The following HRH1 variants were observed in gnomAD, a reference collection of about 807,000 sequenced individuals.
HRH1 encodes histamine H1 receptor.
A neutral mutation model predicts 10.3 loss-of-function variants in HRH1; 6 were observed. The ratio of observed to expected loss-of-function variants is 0.58; its 90% confidence interval spans 0.32 to 1.15. The LOEUF is 1.15. Ranked by LOEUF, HRH1 falls within the 50% of genes most tolerant of loss-of-function variation. HRH1 has a pLI of 0.05. For synonymous variants in HRH1, 242 were observed against 236.7 expected (o/e 1.02, Z -0.21); for missense variants, 514 against 615.3 (o/e 0.84, Z 1.74).
intron 1 of HRH1, among the ~76,000 whole-genome samples, chr3:11,146,483 G>T (rs1169416116): frequency 2.0e-5 from 3 of 152,196 alleles, no homozygotes; most frequent in Non-Finnish European, 2.9e-5. Flanking sequence ...TCCCTATGGG[G>T]AAATGCAAGG....
intron 1 of HRH1, among the ~76,000 whole-genome samples, chr3:11,165,363 A>G (rs1937011073): frequency 1.3e-5 from 2 of 152,184 alleles, no homozygotes; most frequent in South Asian, 4.1e-4. Flanking sequence ...TACTGGGCAT[A>G]TATCCTTTTT....
intron 1 of HRH1, among the ~76,000 whole-genome samples, chr3:11,176,444 G>T (rs1937250918): frequency 6.6e-6 from 1 of 152,074 alleles, no homozygotes; most frequent in South Asian, 2.1e-4. Flanking sequence ...CCGCCCCATT[G>T]TGCACTGTTC....
chr3:11,189,777 T>TAAAATA lies in HRH1; in HGVS notation c.-36+35238_-36+35243dup, dbSNP rs1301080717. Among the ~76,000 whole-genome samples, 6 of 149,978 alleles carry TAAAATA rather than the reference T, an allele frequency of 4.0e-5. 1 individual carries two copies. The South Asian group carries it at 8.5e-4, about 21-fold the overall frequency. On this transcript the variant is annotated intron_variant, in intron 1 of 1. Coordinates refer to ENST00000431010, the MANE Select transcript of HRH1 (RefSeq NM_001098212.2). The stretch of plus-strand genomic sequence containing the variant: ...CATCTCTACTAAAAAAATAAATAAA[T>TAAAATA]AAAATAAAAATAAAAATAAATAAAT...
intron 1 of HRH1, among the ~76,000 whole-genome samples, chr3:11,160,976 A>G (rs975633254): frequency 6.6e-6 from 1 of 152,222 alleles, no homozygotes; most frequent in African/African-American, 2.4e-5. Context: ...ATCAATGGGA[A>G]GAGGAGAGTT....
chr3:11,254,496 C>T (rs781402004), intron 1 of HRH1, among the ~76,000 whole-genome samples: 4 of 152,228 alleles, frequency 2.6e-5, no homozygotes, highest in Non-Finnish European at 5.9e-5. Context: ...TCACTGCCCC[C>T]AAGGTTTTTC....
At chr3:11,257,459 C>T (rs769510173) in intron 1 of HRH1, among the ~76,000 whole-genome samples, 1 of 151,286 alleles carries the variant, frequency 6.6e-6, no homozygotes. Context: ...ACTCAGGAGG[C>T]TGAGGCAGGA....
intron 1 of HRH1, among the ~76,000 whole-genome samples, chr3:11,149,421 C>T (rs1232935589): frequency 6.6e-6 from 1 of 152,140 alleles, no homozygotes; most frequent in East Asian, 1.9e-4. Flanking sequence ...AAAAAACTAG[C>T]TTGTGAAGAT....
chr3:11,198,816 G>T (rs1156719011), intron 1 of HRH1, among the ~76,000 whole-genome samples: 1 of 150,928 alleles, frequency 6.6e-6, no homozygotes, highest in Admixed American at 6.6e-5. Flanking sequence ...CAATAGTTAA[G>T]AATGTACACT....
chr3:11,210,567 G>A (rs920707636), intron 1 of HRH1, among the ~76,000 whole-genome samples: 17 of 152,172 alleles, frequency 1.1e-4, no homozygotes, highest in African/African-American at 2.9e-4. Flanking sequence ...CAAGGCAGGC[G>A]GATCATTTGA....
chr3:11,176,840 C>T (rs763147450), intron 1 of HRH1, among the ~76,000 whole-genome samples: 11 of 152,226 alleles, frequency 7.2e-5, no homozygotes, highest in Non-Finnish European at 1.0e-4. Context: ...CGCCGGTAAT[C>T]CCAGCACTTT....
At chr3:11,177,567 C>T (rs1045732147) in intron 1 of HRH1, among the ~76,000 whole-genome samples, 6 of 152,202 alleles carry the variant, frequency 3.9e-5, no homozygotes, top group African/African-American at 1.4e-4. Context: ...ACTCTCACCA[C>T]AGCACTCGTC....
intron 1 of HRH1, among the ~76,000 whole-genome samples, chr3:11,179,006 G>C (rs1002084056): frequency 6.6e-6 from 1 of 152,088 alleles, no homozygotes; most frequent in Non-Finnish European, 1.5e-5. Flanking sequence ...AAAGTCAGCC[G>C]GGGGGACACA....
intron 1 of HRH1, among the ~76,000 whole-genome samples, chr3:11,222,416 G>A (rs553835004): frequency 1.3e-5 from 2 of 152,202 alleles, no homozygotes; most frequent in Non-Finnish European, 2.9e-5. Context: ...CCCAGGTGTT[G>A]TGTGGAATTT....
intron 1 of HRH1, among the ~76,000 whole-genome samples, chr3:11,205,670 T>C (rs1263549083): frequency 2.0e-5 from 3 of 151,730 alleles, no homozygotes; most frequent in Admixed American, 2.0e-4. Context: ...GGTTTTCTTT[T>C]TTTTTTTTTT....
chr3:11,158,608 G>A (rs933539050), intron 1 of HRH1, among the ~76,000 whole-genome samples: 8 of 152,004 alleles, frequency 5.3e-5, no homozygotes, highest in East Asian at 1.9e-4. Context: ...TTAATATCTC[G>A]TGACATGGCT....
chr3:11,254,460 G>T (rs757414957), intron 1 of HRH1, among the ~76,000 whole-genome samples: 1 of 152,140 alleles, frequency 6.6e-6, no homozygotes, highest in African/African-American at 2.4e-5. Flanking sequence ...CAACCTCCAG[G>T]ATGTCCTGAC....
intron 1 of HRH1, among the ~76,000 whole-genome samples, chr3:11,226,866 G>A (rs1938898748): frequency 6.9e-6 from 1 of 144,708 alleles, no homozygotes; most frequent in Non-Finnish European, 1.5e-5. Flanking sequence ...CAACCTGGGT[G>A]ACAGAGCAAG....
intron 1 of HRH1, among the ~76,000 whole-genome samples, chr3:11,142,099 G>A (rs1168756686): frequency 6.6e-6 from 1 of 152,192 alleles, no homozygotes; most frequent in Non-Finnish European, 1.5e-5. Context: ...GCTAGACCAG[G>A]TCCCAAGTTC....
intron 1 of HRH1, among the ~76,000 whole-genome samples, chr3:11,155,606 C>G (rs528292045): frequency 6.6e-6 from 1 of 152,274 alleles, no homozygotes; most frequent in East Asian, 1.9e-4. Context: ...GCAGAGGGCT[C>G]CCGCCTCAGC....
Sources: gnomAD v4.1 joint callset for allele counts (sites outside exome capture counted in the v4.1 genomes callset) on GRCh38, gnomAD v4.1.1 for gene constraint, MANE v1.5 for transcripts, NCBI Gene and HGNC (gene_info 2026-07-23, HGNC 2026-07-21) for gene names.